The following CAMTA1 variants were observed in gnomAD, a reference collection of about 807,000 sequenced individuals.
CAMTA1 encodes the protein calmodulin-binding transcription activator 1.
Under a neutral mutation model 170.9 loss-of-function variants are expected in CAMTA1, and 27 were observed. The observed-to-expected ratio is 0.16, with a 90% CI of 0.12 to 0.22. The LOEUF (loss-of-function observed/expected upper bound fraction) is 0.22. Ranked by LOEUF, CAMTA1 falls within the 10% of genes least tolerant of loss-of-function variation. The probability of loss-of-function intolerance (pLI) is 1.00; values close to 1 mark genes in which losing one functional copy is unlikely to be tolerated. For synonymous variants in CAMTA1, 833 were observed against 891.5 expected (o/e 0.93, Z 1.17); for missense variants, 1,619 against 2,217.2 (o/e 0.73, Z 5.42).
intron 9 of CAMTA1, among the ~76,000 whole-genome samples, chr1:7,667,292 G>A (rs57938292): frequency 0.048 from 7,289 of 151,958 alleles, 555 homozygotes; most frequent in East Asian, 0.26. Context: ...CATCTTCCCC[G>A]TGCCCCCTGA....
chr1:7,765,768 C>T (rs2097017068), intron 22 of CAMTA1, among the ~76,000 whole-genome samples: 1 of 152,168 alleles, frequency 6.6e-6, no homozygotes, highest in South Asian at 2.1e-4. Context: ...TGGCTCACGC[C>T]TGTAATCCCA....
At chr1:7,107,110 G>T (rs562672489) in intron 4 of CAMTA1, among the ~76,000 whole-genome samples, 1 of 152,230 alleles carries the variant, frequency 6.6e-6, no homozygotes, top group South Asian at 2.1e-4. Flanking sequence ...AGTGCCTGCT[G>T]CGTGCATAGG....
At chr1:7,267,410 T>C (rs1240364860) in intron 5 of CAMTA1, among the ~76,000 whole-genome samples, 9 of 152,202 alleles carry the variant, frequency 5.9e-5, no homozygotes, top group African/African-American at 2.2e-4. Context: ...ACCTGTGCAT[T>C]GGTAAAGTTT....
At position 7,453,767 on chromosome 1, in the gene CAMTA1, G is replaced by T. The variant is rs535927422; in HGVS notation, c.439-14063G>T. ...TGACCCTTAGGCAGAAGAAGGGGTG[G>T]CTGTGGCAGACAAAAGACCCCCCTG... On this transcript the variant is annotated intron_variant, in intron 5 of 22. Transcript: ENST00000303635. Among the ~76,000 whole-genome samples the T allele has an allele frequency of 3.9e-5, 6 of 152,254 alleles. No individual in the cohort carries two copies. In the South Asian group the frequency reaches 1.0e-3, roughly 26 times the overall value.
chr1:7,594,787 A>G (rs918752345), intron 6 of CAMTA1, among the ~76,000 whole-genome samples: 2 of 152,248 alleles, frequency 1.3e-5, no homozygotes, highest in Admixed American at 1.3e-4. Context: ...GAAGAGCTGC[A>G]TGGAAGGTTC....
intron 6 of CAMTA1, among the ~76,000 whole-genome samples, chr1:7,582,583 A>G (rs2095270640): frequency 1.3e-5 from 2 of 152,104 alleles, no homozygotes; most frequent in South Asian, 4.2e-4. Flanking sequence ...GGCTCCTTCT[A>G]GCTTGTTGCT....
chr1:7,485,736 G>C (rs2093609599), intron 6 of CAMTA1, among the ~76,000 whole-genome samples: 1 of 152,204 alleles, frequency 6.6e-6, no homozygotes, highest in Non-Finnish European at 1.5e-5. Flanking sequence ...GCATGGGAAA[G>C]CTGTCACCTA....
rs181554421 is a variant in CAMTA1, at chr1:7,373,434, C to T, written c.439-94396C>T. Among the ~76,000 whole-genome samples the T allele has an allele frequency of 1.9e-4, 29 of 152,306 alleles. No homozygotes were observed. The East Asian group carries it at 5.2e-3, about 27-fold the overall frequency. ...GTGAGACGTGGGCCTAGGCACTGTGCGCAGATGGGTGGGAGTGCTCCACCT... is the reference window on the plus strand; with the variant it reads ...GTGAGACGTGGGCCTAGGCACTGTGTGCAGATGGGTGGGAGTGCTCCACCT... On this transcript the variant is annotated intron_variant, in intron 5 of 22. Coordinates refer to ENST00000303635, the MANE Select transcript of CAMTA1 (RefSeq NM_015215.4).
chr1:7,353,565 C>T (rs1410222840), intron 5 of CAMTA1, among the ~76,000 whole-genome samples: 1 of 151,794 alleles, frequency 6.6e-6, no homozygotes. Flanking sequence ...GCTGGGATTA[C>T]AGGCACACAC....
chr1:7,182,457 G>A (rs149225016), intron 4 of CAMTA1, among the ~76,000 whole-genome samples: 283 of 148,884 alleles, frequency 1.9e-3, no homozygotes, highest in African/African-American at 6.7e-3. Flanking sequence ...TCGTGCCACT[G>A]TACTCCGGCC....
chr1:7,346,212 T>C (rs1192588404), intron 5 of CAMTA1, among the ~76,000 whole-genome samples: 1 of 152,204 alleles, frequency 6.6e-6, no homozygotes, highest in Middle Eastern at 3.2e-3. Flanking sequence ...AAAAGGACAC[T>C]GGAATCATGG....
At chr1:6,790,011 A>G (rs1640601422) in intron 1 of CAMTA1, among the ~76,000 whole-genome samples, 2 of 151,150 alleles carry the variant, frequency 1.3e-5, no homozygotes, top group Admixed American at 6.6e-5. Flanking sequence ...ACGGGGTTTC[A>G]CCATGTTGGT....
chr1:7,549,354 T>C (rs1323798897), intron 6 of CAMTA1, among the ~76,000 whole-genome samples: 1 of 152,010 alleles, frequency 6.6e-6, no homozygotes, highest in African/African-American at 2.4e-5. Context: ...TTCTTCCGGG[T>C]TGACCTTGTT....
intron 1 of CAMTA1, among the ~76,000 whole-genome samples, chr1:6,789,505 C>G (rs1048766322): frequency 7.2e-5 from 11 of 152,128 alleles, no homozygotes; most frequent in African/African-American, 2.4e-4. Flanking sequence ...GGAAATACCC[C>G]TTTGTGTGCA....
intron 4 of CAMTA1, among the ~76,000 whole-genome samples, chr1:7,124,488 T>C (rs1208669900): frequency 6.6e-6 from 1 of 152,252 alleles, no homozygotes; most frequent in African/African-American, 2.4e-5. Flanking sequence ...TCATGCGCCA[T>C]GTGGATGGCC....
intron 6 of CAMTA1, among the ~76,000 whole-genome samples, chr1:7,498,953 G>A (rs560780291): frequency 2.0e-5 from 3 of 146,348 alleles, no homozygotes; most frequent in Admixed American, 2.0e-4. Context: ...GTCCATGAGT[G>A]TGTAGAGAGG....
At chr1:7,703,576 T>G (rs1294400026) in intron 11 of CAMTA1, among the ~76,000 whole-genome samples, 1 of 152,190 alleles carries the variant, frequency 6.6e-6, no homozygotes. Context: ...GGGTTGTTTC[T>G]GTGTGCGTTT....
chr1:7,231,631 C>A (rs1230714242), intron 4 of CAMTA1, among the ~76,000 whole-genome samples: 1 of 152,104 alleles, frequency 6.6e-6, no homozygotes, highest in East Asian at 1.9e-4. Flanking sequence ...TCTCAGCCTC[C>A]CAAAATGCTG....
intron 11 of CAMTA1, among the ~76,000 whole-genome samples, chr1:7,702,864 G>A (rs1187957747): frequency 3.9e-5 from 6 of 152,076 alleles, no homozygotes; most frequent in Admixed American, 3.9e-4. Context: ...CAAGTACCCC[G>A]TTTTGGCAAA....
Sources: allele counts gnomAD v4.1 joint callset (sites outside exome capture counted in the v4.1 genomes callset), GRCh38; gene constraint gnomAD v4.1.1; transcripts MANE v1.5; gene names NCBI Gene and HGNC (gene_info 2026-07-23, HGNC 2026-07-21).